Variants in ALOX15 observed in about 807,000 individuals in gnomAD.
The protein encoded by ALOX15 is polyunsaturated fatty acid lipoxygenase ALOX15.
Under a neutral mutation model 71.7 loss-of-function variants are expected in ALOX15, and 68 were observed. That is an observed-to-expected ratio of 0.95 (90% CI 0.78 to 1.16). The LOEUF (loss-of-function observed/expected upper bound fraction) is 1.16. Among genes scored for constraint, ALOX15 ranks in the 50% most tolerant of loss-of-function variants. The pLI is 0.00. For missense variants in ALOX15, 798 were observed against 818.8 expected (o/e 0.97, Z 0.31); for synonymous variants, 346 against 333.3 (o/e 1.04, Z -0.42).
rs760167475 is a variant in ALOX15, at chr17:4,633,147, G to C, written c.1417C>G (p.Arg473Gly). 3.7e-6 allele frequency: 6 copies of C among 1,613,640 alleles called. No individual in the cohort carries two copies. The South Asian group carries it at 6.6e-5, about 18-fold the overall frequency. The part of the protein sequence containing the change: ...DALRLWEIIY[R>G]YVEGIVSLHY... ...CACTGGCCTTCCCGCTTGCCTCACCGATAGATGATTTCCCAGAGCCGCAGC... is the reference window on the plus strand; with the variant it reads ...CACTGGCCTTCCCGCTTGCCTCACCCATAGATGATTTCCCAGAGCCGCAGC... Residue 473 changes from arginine to glycine, a missense_variant and splice_region_variant, in exon 10 of 14, where the codon CGG becomes GGG. By Grantham distance (125) the Arg-to-Gly change is moderately radical. Around this residue, in one of 3 missense-constraint regions of ALOX15, gnomAD observed 490 missense variants for 509.4 expected, o/e 0.96. Coordinates refer to ENST00000293761, the MANE Select transcript of ALOX15 (RefSeq NM_001140.5).
chr17:4,634,023 T>TC (rs1208471016), intron 8 of ALOX15, among the ~76,000 whole-genome samples: 1 of 152,082 alleles, frequency 6.6e-6, no homozygotes, highest in Non-Finnish European at 1.5e-5. Flanking sequence ...GACACCAGCA[T>TC]CTACTTGTGG....
chr17:4,631,811 C>T, intron 13 of ALOX15, 32 bp from the exon 14 acceptor site: 1 of 1,612,512 alleles, frequency 6.2e-7, no homozygotes, highest in Non-Finnish European at 8.5e-7. Flanking sequence ...GGCTGAGAGC[C>T]TTATGACCCC....
rs200554414 is a variant in ALOX15, at chr17:4,635,956, G to T, written c.964C>A (p.Arg322Ser). Residue 322 changes from arginine to serine, a missense_variant, in exon 8 of 14, where the codon CGC becomes AGC. Physicochemically the swap from Arg to Ser is moderately radical, Grantham distance 110. Coordinates refer to ENST00000293761, the MANE Select transcript of ALOX15 (RefSeq NM_001140.5). Reference sequence around the variant, plus strand: ...AGGGGAGGTGGTGGGGATCCTGTGCGGGGCAGCTGGAGCTGGAGCAGGGAC... The same window carrying T: ...AGGGGAGGTGGTGGGGATCCTGTGCTGGGCAGCTGGAGCTGGAGCAGGGAC... ...LPMVIQLQLP[R>S]TGSPPPPLFL... 29 of 1,613,586 alleles carry T rather than the reference G, an allele frequency of 1.8e-5. No homozygotes were observed. Among genetic ancestry groups the T allele is most frequent in the Middle Eastern group, 3.5e-4 (2 of 5,756 alleles).
intron 11 of ALOX15, 46 bp from the exon 12 acceptor site, chr17:4,632,327 GCAGCGCT>G (rs1157271645): frequency 4.6e-6 from 7 of 1,518,190 alleles, no homozygotes; most frequent in Non-Finnish European, 6.4e-6. Context: ...CAGGAGTAGG[GCAGCGCT>G]CAGAGGAAGA....
At chr17:4,640,590 C>G (rs935601321) in intron 1 of ALOX15, among the ~76,000 whole-genome samples, 2 of 136,186 alleles carry the variant, frequency 1.5e-5, no homozygotes, top group African/African-American at 6.1e-5. Flanking sequence ...GTGCCCCGTC[C>G]CCTCACCATG....
chr17:4,640,455 G>C (rs1415481772), intron 1 of ALOX15, among the ~76,000 whole-genome samples: 2 of 146,410 alleles, frequency 1.4e-5, no homozygotes, highest in Non-Finnish European at 2.9e-5. Context: ...GGGGCGCTCA[G>C]GAGCATCCCC....
intron 7 of ALOX15, 59 bp from the exon 8 acceptor site, chr17:4,636,027 C>T (rs569111639): frequency 1.2e-5 from 19 of 1,553,062 alleles, no homozygotes; most frequent in South Asian, 7.9e-5. Context: ...CAGCGATTCC[C>T]GCCCCCCTTG....
chr17:4,636,999 C>A (rs951178100), intron 7 of ALOX15, 116 bp downstream of exon 7: 3 of 1,271,090 alleles, frequency 2.4e-6, no homozygotes, highest in Non-Finnish European at 3.3e-6. Flanking sequence ...CCTCCTTTCG[C>A]GTCTCCCAGG....
chr17:4,633,413 C>T lies in ALOX15; in HGVS notation c.1248+1G>A, dbSNP rs765440089. The T allele has an allele frequency of 6.2e-6, 10 of 1,614,128 alleles. No homozygotes were observed. The South Asian group carries it at 9.9e-5, about 16-fold the overall frequency. On this transcript the variant is annotated splice_donor_variant, in intron 9 of 13. Transcript: ENST00000293761. LOFTEE classifies it high-confidence loss of function. Reference sequence around the variant, plus strand: ...CAGAATCTCCCTTTCTCTTCCCATACCTGGTCGAAAATTCCCATGTCAGAG... The same window carrying T: ...CAGAATCTCCCTTTCTCTTCCCATATCTGGTCGAAAATTCCCATGTCAGAG...
Position 4,633,266 on chromosome 17 carries a change from C to A in ALOX15, c.1298G>T (p.Gly433Val), listed in dbSNP as rs1439226807. ...GGHVQLLKQA[G>V]AFLTYSSFCP... The stretch of plus-strand genomic sequence containing the variant: ...GAAGGAGCTGTAGGTTAGGAAGGCT[C>A]CAGCTTGCTTGAGCAGCTGCACGTG... The change falls in exon 10 of 14, where the codon GGA becomes GTA. Residue 433 changes from glycine to valine, a missense_variant. This residue lies in a region of ALOX15 where 490 missense variants were observed against 509.4 expected (regional missense o/e 0.96). Transcript: ENST00000293761. The A allele has an allele frequency of 6.2e-7, 1 of 1,614,210 alleles. No homozygotes were observed.
At chr17:4,639,690 G>A in intron 1 of ALOX15, 59 bp from the exon 2 acceptor site, 1 of 1,523,444 alleles carries the variant, frequency 6.6e-7, no homozygotes. Flanking sequence ...GCACCCGGCT[G>A]AGCCCTGCTC....
At chr17:4,639,252 C>T in intron 2 of ALOX15, 120 bp from the exon 3 acceptor site, 1 of 1,421,966 alleles carries the variant, frequency 7.0e-7, no homozygotes, top group Non-Finnish European at 9.8e-7. Flanking sequence ...GCATCACGCC[C>T]CTCCCCCAGG....
intron 2 of ALOX15, 111 bp downstream of exon 2, chr17:4,639,319 C>A: frequency 6.9e-7 from 1 of 1,453,630 alleles, no homozygotes; most frequent in East Asian, 2.3e-5. Context: ...CCAAAGACCC[C>A]GGCGCTCCAG....
At chr17:4,635,388 C>T (rs1354618044) in intron 8 of ALOX15, among the ~76,000 whole-genome samples, 3 of 150,280 alleles carry the variant, frequency 2.0e-5, no homozygotes, top group Non-Finnish European at 2.9e-5. Context: ...GAGCCGAGAT[C>T]GCATCACTGC....
At chr17:4,635,579 G>C (rs1487047396) in intron 8 of ALOX15, among the ~76,000 whole-genome samples, 180 bp downstream of exon 8, 3 of 152,218 alleles carry the variant, frequency 2.0e-5, no homozygotes, top group African/African-American at 7.2e-5. Context: ...TCCCAGGTGG[G>C]AGGTGCTATC....
intron 4 of ALOX15, 22 bp from the exon 5 acceptor site, chr17:4,638,706 A>G (rs1415359088): frequency 6.2e-7 from 1 of 1,613,664 alleles, no homozygotes; most frequent in South Asian, 1.1e-5. Context: ...GATGGGGCAA[A>G]GGGTTTGAGC....
Position 4,639,046 on chromosome 17 carries a change from C to T in ALOX15, c.419+5G>A, listed in dbSNP as rs747963529. The stretch of plus-strand genomic sequence containing the variant: ...CTCACGTGGGGTCAGGGGAGGAGGG[C>T]TCACCGGTACAACTTCCTTCTCTCT... On this transcript the variant is annotated splice_donor_5th_base_variant and intron_variant, in intron 3 of 13. Transcript: ENST00000293761. The T allele has an allele frequency of 8.1e-6, 13 of 1,614,074 alleles. No homozygotes were observed. Among genetic ancestry groups the T allele is most frequent in the Non-Finnish European group, 1.0e-5 (12 of 1,180,032 alleles).
At chr17:4,637,399 C>T (rs1911135004) in intron 6 of ALOX15, 141 bp from the exon 7 acceptor site, 2 of 1,005,056 alleles carry the variant, frequency 2.0e-6, no homozygotes. Context: ...GTGCTTACTT[C>T]CTCATATCAT....
chr17:4,635,539 A>G (rs1349352402), intron 8 of ALOX15, among the ~76,000 whole-genome samples: 1 of 152,134 alleles, frequency 6.6e-6, no homozygotes, highest in Non-Finnish European at 1.5e-5. Flanking sequence ...TGCTTTACAT[A>G]TAAAAAGAGT....
Sources: gnomAD v4.1 joint callset for allele counts (sites outside exome capture counted in the v4.1 genomes callset) on GRCh38, gnomAD v4.1.1 for gene constraint, gnomAD v4.1.1 regional missense constraint, MANE v1.5 for transcripts, NCBI Gene and HGNC (gene_info 2026-07-23, HGNC 2026-07-21) for gene names.